Variants in ZDHHC9 observed in about 807,000 individuals in gnomAD.
The protein encoded by ZDHHC9 is palmitoyltransferase ZDHHC9.
Under a neutral mutation model 26.6 loss-of-function variants are expected in ZDHHC9, and 3 were observed. That is an observed-to-expected ratio of 0.11 (90% CI 0.05 to 0.29). ZDHHC9 has a LOEUF of 0.29. ZDHHC9 is among the 10% of genes least tolerant of loss of function. ZDHHC9 has a pLI of 1.00. For missense variants in ZDHHC9, 146 were observed against 296.4 expected (o/e 0.49, Z 3.73); for synonymous variants, 111 against 109.4 (o/e 1.01, Z -0.09).
At chrX:129,818,945 G>C (rs764350147) in intron 5 of ZDHHC9, among the ~76,000 whole-genome samples, 25 of 110,567 alleles carry the variant, frequency 2.3e-4, no homozygotes, top group Admixed American at 1.7e-3. Context: ...GGCCGAGGCA[G>C]GTGGATCACA....
At chrX:129,840,489 G>A (rs1174367257) in intron 3 of ZDHHC9, among the ~76,000 whole-genome samples, 2 of 111,533 alleles carry the variant, frequency 1.8e-5, no homozygotes, top group South Asian at 3.7e-4. Flanking sequence ...ACACAAGCAC[G>A]TGCGTGCACA....
chrX:129,842,655 C>A (rs758689372), intron 2 of ZDHHC9, among the ~76,000 whole-genome samples: 63 of 113,201 alleles, frequency 5.6e-4, no homozygotes, highest in African/African-American at 1.9e-3. Context: ...CACCCTCTGG[C>A]AGGGCCAGGA....
At chrX:129,819,020 A>C (rs1443117060) in intron 5 of ZDHHC9, among the ~76,000 whole-genome samples, 1 of 108,584 alleles carries the variant, frequency 9.2e-6, no homozygotes, top group Non-Finnish European at 1.9e-5. Flanking sequence ...AAAATACAAA[A>C]AAATTAGCCA....
chrX:129,807,318 C>T (rs1400795408), intron 10 of ZDHHC9, among the ~76,000 whole-genome samples: 13 of 108,351 alleles, frequency 1.2e-4, no homozygotes, highest in Admixed American at 9.9e-4. Context: ...CGGTGGCGGG[C>T]GCCTGTAGTC....
chrX:129,829,120 C>G lies in ZDHHC9; in HGVS notation c.189G>C (p.Gln63His), dbSNP rs1362477611. ...FAFECRYLAVQLSPAIPVFAA... is the reference protein window; with the variant it reads ...FAFECRYLAVHLSPAIPVFAA... Reference sequence around the variant, plus strand: ...CAAATACAGGGATGGCAGGAGACAGCTGAACAGCCAGGTAGCGGCACCTGA... The same window carrying G: ...CAAATACAGGGATGGCAGGAGACAGGTGAACAGCCAGGTAGCGGCACCTGA... The change falls in exon 4 of 11, where the codon CAG becomes CAC. Residue 63 changes from glutamine (Q) to histidine (H), a missense_variant. Transcript: ENST00000357166. The G allele has an allele frequency of 8.3e-7, 1 of 1,209,733 alleles. No individual in the cohort carries two copies. The highest frequency in any genetic ancestry group is 3.0e-5 in the East Asian group (1 of 33,749).
chrX:129,828,567 A>C (rs1266372878), intron 4 of ZDHHC9, among the ~76,000 whole-genome samples: 1 of 111,011 alleles, frequency 9.0e-6, no homozygotes, highest in Non-Finnish European at 1.9e-5. Flanking sequence ...GGTTGCAGTG[A>C]GCCAAGATCA....
chrX:129,812,575 T>A, intron 8 of ZDHHC9, 143 bp downstream of exon 8: 1 of 553,954 alleles, frequency 1.8e-6, no homozygotes, highest in Non-Finnish European at 3.2e-6. Flanking sequence ...CTTCCACACA[T>A]CTGACTTAAC....
Position 129,843,481 on chromosome X carries a change from G to A in ZDHHC9, c.-203-155C>T, listed in dbSNP as rs1928432394. 3 of 111,795 alleles carry A rather than the reference G, an allele frequency of 2.7e-5. No homozygotes were observed. In the Admixed American group the frequency reaches 2.8e-4, roughly 10 times the overall value. The allele number at this position is 111,795 out of a possible 1,213,427, so 9.2% of individuals were successfully genotyped here. ...ACGCCGCGGACCACCGCCCCAGGCA[G>A]GTTGGGACGCGCGCCACATCCACAC... On this transcript the variant is annotated intron_variant, in intron 1 of 10. Transcript: ENST00000357166.
chrX:129,842,272 G>T (rs1457104476), intron 2 of ZDHHC9, among the ~76,000 whole-genome samples, 192 bp from the exon 3 acceptor site: 2 of 111,999 alleles, frequency 1.8e-5, no homozygotes, highest in African/African-American at 3.2e-5. Context: ...AAAGGAAAGG[G>T]GCTAGTATTT....
At chrX:129,831,816 T>C (rs1424953662) in intron 3 of ZDHHC9, among the ~76,000 whole-genome samples, 2 of 111,302 alleles carry the variant, frequency 1.8e-5, no homozygotes, top group Non-Finnish European at 3.8e-5. Context: ...ACTAAGACTA[T>C]TGTGAACTAC....
intron 5 of ZDHHC9, among the ~76,000 whole-genome samples, chrX:129,821,337 G>A (rs1383530478): frequency 4.8e-5 from 5 of 103,993 alleles, no homozygotes; most frequent in Non-Finnish European, 9.8e-5. Context: ...CTGTCACCCA[G>A]GCTGGAGTGC....
At chrX:129,816,326 T>G (rs1403112686) in intron 5 of ZDHHC9, among the ~76,000 whole-genome samples, 1 of 111,154 alleles carries the variant, frequency 9.0e-6, no homozygotes, top group Non-Finnish European at 1.9e-5. Context: ...GGGTTTGGTA[T>G]TCAAGGGCAA....
chrX:129,834,802 A>G (rs1928222168), intron 3 of ZDHHC9, among the ~76,000 whole-genome samples: 1 of 111,719 alleles, frequency 9.0e-6, no homozygotes, highest in Non-Finnish European at 1.9e-5. Flanking sequence ...TCCATTCCAG[A>G]AACATCCCAC....
At chrX:129,814,564 G>C in intron 6 of ZDHHC9, 94 bp downstream of exon 6, 1 of 1,137,977 alleles carries the variant, frequency 8.8e-7, no homozygotes, top group Non-Finnish European at 1.2e-6. Context: ...TTTCACAATG[G>C]TACCACCAGG....
At chrX:129,806,746 G>A (rs1478013756) in intron 10 of ZDHHC9, among the ~76,000 whole-genome samples, 4 of 111,639 alleles carry the variant, frequency 3.6e-5, no homozygotes, top group Non-Finnish European at 7.5e-5. Context: ...ATAATAATAG[G>A]AATCACAAAT....
chrX:129,804,578 G>GGGCC lies in ZDHHC9; in HGVS notation c.*1788_*1791dup, dbSNP rs1358820381. Reference sequence around the variant, plus strand: ...CCACTGATCAAATATTTCCAAGGGGGGGCCCTGATGAGCCTGCGTTAATAA... The same window carrying GGGCC: ...CCACTGATCAAATATTTCCAAGGGGGGGCCGGCCCTGATGAGCCTGCGTTAATAA... On this transcript the variant is annotated 3_prime_UTR_variant, in exon 11 of 11. Transcript: ENST00000357166. 1 of 110,728 alleles carries GGGCC rather than the reference G, an allele frequency of 9.0e-6. No individual in the cohort carries two copies. The highest frequency in any genetic ancestry group is 1.9e-5 in the Non-Finnish European group (1 of 52,852). The allele number at this position is 110,728 out of a possible 1,213,427, so 9.1% of individuals were successfully genotyped here. A position where few individuals can be genotyped will look rare whatever the true frequency, so the allele number is the denominator to read the frequency against.
intron 10 of ZDHHC9, 30 bp downstream of exon 10, chrX:129,810,875 T>C: frequency 8.5e-7 from 1 of 1,171,877 alleles, no homozygotes; most frequent in Non-Finnish European, 1.2e-6. Flanking sequence ...CCTCTCTATA[T>C]CGACCCAGCC....
Position 129,814,737 on chromosome X carries a change from G to A in ZDHHC9, c.546C>T (p.Arg182=), listed in dbSNP as rs1403929468. 1.7e-6 allele frequency: 2 copies of A among 1,208,623 alleles called. No homozygotes were observed. The highest frequency in any genetic ancestry group is 5.9e-5 in the East Asian group (2 of 33,741). ...GAGAAAGGATGAAGAGGTAGAAGTA[G>A]CGGTAGTTCCTCTTTCCAACACAAT... ...VGNCVGKRNY[R]YFYLFILSLS... Residue 182 remains arginine (R), a synonymous_variant, in exon 6 of 11, where the codon CGC becomes CGT. Coordinates refer to ENST00000357166, the MANE Select transcript of ZDHHC9 (RefSeq NM_016032.4).
In ZDHHC9 at chrX:129,841,927, T is replaced by G. The variant is rs765150431; in HGVS notation, c.19A>C (p.Arg7=). The G allele has an allele frequency of 8.3e-7, 1 of 1,211,417 alleles. No individual in the cohort carries two copies. The highest frequency in any genetic ancestry group is 3.0e-5 in the East Asian group (1 of 33,845). The change falls in exon 3 of 11, where the codon AGA becomes CGA. Residue 7 remains arginine (R), a synonymous_variant. Coordinates refer to ENST00000357166, the MANE Select transcript of ZDHHC9 (RefSeq NM_016032.4). The stretch of plus-strand genomic sequence containing the variant: ...TCCCATTTCCGTGTCACCTTCTTTC[T>G]CACCACCATCACAGACATGATTGGA... MSVMVV[R]KKVTRKWEKL... is the part of the protein sequence containing the mutation.
Sources: gnomAD v4.1 joint callset for allele counts (sites outside exome capture counted in the v4.1 genomes callset) on GRCh38, gnomAD v4.1.1 for gene constraint, MANE v1.5 for transcripts, NCBI Gene and HGNC (gene_info 2026-07-23, HGNC 2026-07-21) for gene names.